The following PRG3 variants were observed in gnomAD, a reference collection of about 807,000 sequenced individuals.
The protein encoded by PRG3 is proteoglycan 3, pro eosinophil major basic protein 2.
In PRG3, 25 loss-of-function variants were observed where a neutral mutation model predicts 26.1. The ratio of observed to expected loss-of-function variants is 0.96; its 90% CI spans 0.70 to 1.34. The LOEUF (loss-of-function observed/expected upper bound fraction) is 1.34. Among genes scored for constraint, PRG3 ranks in the 40% most tolerant of loss-of-function variants. The probability of loss-of-function intolerance (pLI) is 0.00; values close to 1 mark genes in which losing one functional copy is unlikely to be tolerated. For missense variants in PRG3, 280 were observed against 264.8 expected (o/e 1.06, Z -0.40); for synonymous variants, 111 against 100.4 (o/e 1.11, Z -0.63).
At chr11:57,380,564 G>C in intron 2 of PRG3, 84 bp downstream of exon 2, 1 of 1,245,490 alleles carries the variant, frequency 8.0e-7, no homozygotes, top group Non-Finnish European at 1.1e-6. Context: ...CTGGCCTCAT[G>C]AGTGCAAATA....
At chr11:57,379,424 A>G in intron 3 of PRG3, 70 bp downstream of exon 3, 1 of 1,413,504 alleles carries the variant, frequency 7.1e-7, no homozygotes, top group Non-Finnish European at 9.6e-7. Context: ...GCCTAAATGA[A>G]TAGGGAACAG....
intron 2 of PRG3, 120 bp downstream of exon 2, chr11:57,380,528 T>A (rs972920645): frequency 5.2e-6 from 4 of 764,340 alleles, no homozygotes; most frequent in Admixed American, 7.5e-5. Context: ...ATGAGCTGTA[T>A]CAGCTAAAGA....
At chr11:57,379,236 C>T (rs899645194) in intron 3 of PRG3, among the ~76,000 whole-genome samples, 11 of 152,194 alleles carry the variant, frequency 7.2e-5, no homozygotes, top group Non-Finnish European at 1.2e-4. Flanking sequence ...TTGTTTAAAT[C>T]GGTGGTTCTC....
Sources: allele counts gnomAD v4.1 joint callset (sites outside exome capture counted in the v4.1 genomes callset), GRCh38; gene constraint gnomAD v4.1.1; transcripts MANE v1.5; gene names NCBI Gene and HGNC (gene_info 2026-07-23, HGNC 2026-07-21).